The following GART variants were observed in gnomAD, a reference collection of about 807,000 sequenced individuals.
The protein encoded by GART is phosphoribosylglycinamide formyltransferase, phosphoribosylglycinamide synthetase, phosphoribosylaminoimidazole synthetase.
A neutral mutation model predicts 107.2 loss-of-function variants in GART; 43 were observed. The observed-to-expected ratio is 0.40, with a 90% CI of 0.31 to 0.52. The LOEUF (loss-of-function observed/expected upper bound fraction) is 0.52, where lower values mean the gene tolerates loss of function less well. GART is among the 20% of genes least tolerant of loss of function. GART has a pLI of 0.52. For synonymous variants in GART, 434 were observed against 427.0 expected (o/e 1.02, Z -0.20); for missense variants, 1,107 against 1,206.5 (o/e 0.92, Z 1.22).
intron 16 of GART, among the ~76,000 whole-genome samples, chr21:33,512,441 G>T (rs908202907): frequency 6.6e-6 from 1 of 151,814 alleles, no homozygotes; most frequent in South Asian, 2.1e-4. Context: ...TGGAATCTAC[G>T]ATTATGGGAT....
rs746306563 is a variant in GART at position 33,524,925 on chromosome 21, G to A, written c.1142C>T (p.Thr381Ile). The change falls in exon 11 of 22, where the codon ACT becomes ATT. Residue 381 changes from threonine (T) to isoleucine (I), a missense_variant. Transcript: ENST00000381815. The stretch of plus-strand genomic sequence containing the variant: ...GACTGCAAGAACTCTACCCCCATGA[G>A]TTACTACTTTGCCATTTTTGAGGGC... ...GTALKNGKVV[T>I]HGGRVLAVTA... is the part of the protein sequence containing the mutation. 6.2e-7 allele frequency: 1 copy of A among 1,614,128 alleles called. No individual in the cohort carries two copies. Among genetic ancestry groups the A allele is most frequent in the South Asian group, 1.1e-5 (1 of 91,086 alleles).
intron 16 of GART, 144 bp from the exon 17 acceptor site, chr21:33,511,602 T>G (rs955642267): frequency 1.7e-5 from 14 of 805,732 alleles, no homozygotes; most frequent in African/African-American, 1.7e-5. Flanking sequence ...CTCTGAGAAC[T>G]TTTTATTTGG....
intron 2 of GART, among the ~76,000 whole-genome samples, chr21:33,538,241 CAA>C (rs397866694): frequency 2.3e-5 from 2 of 88,404 alleles, no homozygotes; most frequent in Non-Finnish European, 2.2e-5. Context: ...GACTCTGTCT[CAA>C]AAAAAAAAAA....
intron 18 of GART, among the ~76,000 whole-genome samples, chr21:33,508,941 C>T (rs757364337): frequency 2.6e-5 from 4 of 152,206 alleles, no homozygotes; most frequent in Non-Finnish European, 5.9e-5. Flanking sequence ...CAGTTCCATC[C>T]ATATTGCTGC....
intron 16 of GART, among the ~76,000 whole-genome samples, chr21:33,512,471 A>G (rs1332961914): frequency 6.6e-6 from 1 of 152,130 alleles, no homozygotes; most frequent in South Asian, 2.1e-4. Flanking sequence ...TAAAAAAACT[A>G]TACTGAATTA....
chr21:33,523,839 C>T (rs1270381634), intron 11 of GART, among the ~76,000 whole-genome samples: 1 of 151,832 alleles, frequency 6.6e-6, no homozygotes, highest in Non-Finnish European at 1.5e-5. Flanking sequence ...CGGTGGCAGG[C>T]ACCTGTAATC....
At chr21:33,505,346 G>C (rs961566952) in intron 20 of GART, among the ~76,000 whole-genome samples, 1 of 152,200 alleles carries the variant, frequency 6.6e-6, no homozygotes, top group Non-Finnish European at 1.5e-5. Context: ...AATGGATAGA[G>C]AGCAGGTTAA....
At chr21:33,532,243 G>A (rs1310370241) in intron 5 of GART, 102 bp downstream of exon 5, 5 of 784,464 alleles carry the variant, frequency 6.4e-6, no homozygotes, top group African/African-American at 3.5e-5. Flanking sequence ...CCATATGTTT[G>A]CAAAATAGAT....
chr21:33,533,727 A>G (rs2085243723), intron 4 of GART, among the ~76,000 whole-genome samples: 1 of 152,100 alleles, frequency 6.6e-6, no homozygotes, highest in Non-Finnish European at 1.5e-5. Flanking sequence ...AAACATGGTA[A>G]AACTCCGTCT....
chr21:33,506,803 G>A (rs150395979), intron 18 of GART, among the ~76,000 whole-genome samples: 5 of 152,196 alleles, frequency 3.3e-5, no homozygotes, highest in East Asian at 3.9e-4. Flanking sequence ...ATTGCAAACA[G>A]GTATATAAAA....
At chr21:33,538,141 G>C (rs1359112048) in intron 2 of GART, among the ~76,000 whole-genome samples, 1 of 151,388 alleles carries the variant, frequency 6.6e-6, no homozygotes, top group Non-Finnish European at 1.5e-5. Flanking sequence ...CTACTCGGGA[G>C]GCTGAGGCAG....
chr21:33,536,610 C>T (rs1301960786), intron 2 of GART, among the ~76,000 whole-genome samples: 2 of 152,114 alleles, frequency 1.3e-5, no homozygotes, highest in Admixed American at 1.3e-4. Flanking sequence ...ACAAATTAGG[C>T]ACAGTAAGAG....
At chr21:33,541,472 C>T (rs893792835) in intron 1 of GART, among the ~76,000 whole-genome samples, 3 of 152,204 alleles carry the variant, frequency 2.0e-5, no homozygotes, top group Non-Finnish European at 4.4e-5. Context: ...GCAAATGTTA[C>T]ATCTTTAGTT....
At chr21:33,532,699 T>C (rs185606027) in intron 4 of GART, among the ~76,000 whole-genome samples, 45 of 152,228 alleles carry the variant, frequency 3.0e-4, no homozygotes, top group African/African-American at 1.7e-4. Flanking sequence ...TGAGATTACA[T>C]AGGCAATATC....
chr21:33,505,232 G>C (rs1199227630), intron 20 of GART, among the ~76,000 whole-genome samples: 2 of 152,144 alleles, frequency 1.3e-5, no homozygotes, highest in Admixed American at 1.3e-4. Flanking sequence ...ATAAAGGAAG[G>C]TCTTCTGAAT....
chr21:33,528,500 CTTTG>C lies in GART; in HGVS notation c.897+15_897+18del. 6.3e-7 allele frequency: 1 copy of C among 1,576,810 alleles called. No homozygotes were observed. The highest frequency in any genetic ancestry group is 8.6e-7 in the Non-Finnish European group (1 of 1,158,202). On this transcript the variant is annotated intron_variant, in intron 9 of 21. Transcript: ENST00000381815. ...ACCACATATCTTCTACCAAGTAATA[CTTTG>C]ATATTTTTACCCACTTGGCACTCTG...
chr21:33,504,233 C>T lies in GART; in HGVS notation c.2924G>A (p.Arg975Lys), dbSNP rs779095030. ...TATTTTATGTTCTGCTAATTTTACT[C>T]TTTCAGAAAGAGTTGCGACAGTATC... is the stretch of plus-strand genomic sequence containing the variant. ...RGDTVATLSE[R>K]VKLAEHKIFP... Residue 975 changes from arginine to lysine, a missense_variant, in exon 22 of 22, where the codon AGA (arginine) becomes AAA (lysine). Coordinates refer to ENST00000381815, the MANE Select transcript of GART (RefSeq NM_000819.5). 2 of 1,614,198 alleles carry T rather than the reference C, an allele frequency of 1.2e-6. No homozygotes were observed. The highest frequency in any genetic ancestry group is 1.7e-6 in the Non-Finnish European group (2 of 1,180,036).
intron 16 of GART, among the ~76,000 whole-genome samples, chr21:33,511,669 T>G (rs1217162730): frequency 1.3e-5 from 2 of 152,208 alleles, no homozygotes; most frequent in Non-Finnish European, 2.9e-5. Context: ...ACTTGGCCAG[T>G]ACTCACAAAT....
chr21:33,504,171 C>T lies in GART; in HGVS notation c.2986G>A (p.Val996Ile), dbSNP rs755202603. Reference sequence around the variant, plus strand: ...ATCTTGCCATTTTCTCCAAGCTGTACAGTTCCACTGGCCACCAGCTGAAGG... The same window carrying T: ...ATCTTGCCATTTTCTCCAAGCTGTATAGTTCCACTGGCCACCAGCTGAAGG... Reference protein sequence around the residue: ...AALQLVASGTVQLGENGKICW... With the variant: ...AALQLVASGTIQLGENGKICW... Residue 996 changes from valine (V) to isoleucine (I), a missense_variant, in exon 22 of 22, where the codon GTA becomes ATA. Val to Ile is a conservative substitution (Grantham distance 29, BLOSUM62 3). Transcript: ENST00000381815. 16 of 1,614,206 alleles carry T rather than the reference C, an allele frequency of 9.9e-6. No homozygotes were observed. In the South Asian group the frequency reaches 1.8e-4, roughly 18 times the overall value.
Sources: gnomAD v4.1 joint callset for allele counts (sites outside exome capture counted in the v4.1 genomes callset) on GRCh38, gnomAD v4.1.1 for gene constraint, MANE v1.5 for transcripts, NCBI Gene and HGNC (gene_info 2026-07-23, HGNC 2026-07-21) for gene names.